Variants in SLC4A9 observed in about 807,000 individuals in gnomAD.
The protein encoded by SLC4A9 is solute carrier family 4 member 9.
A neutral mutation model predicts 103.2 loss-of-function variants in SLC4A9; 102 were observed. The observed-to-expected ratio is 0.99, with a 90% CI of 0.84 to 1.17. SLC4A9 has a LOEUF of 1.17. SLC4A9 is among the 50% of genes most tolerant of loss of function. The pLI is 0.00. For synonymous variants in SLC4A9, 453 were observed against 483.6 expected, an observed-to-expected ratio of 0.94 and a Z score of 0.83; for missense variants, 1,091 against 1,193.7, an observed-to-expected ratio of 0.91 and a Z score of 1.27.
chr5:140,374,679 G>T (rs1212258787), intron 21 of SLC4A9, 148 bp from the exon 22 acceptor site: 1 of 151,908 alleles, frequency 6.6e-6, no homozygotes, highest in Non-Finnish European at 1.5e-5. Context: ...TCTTCTGGGC[G>T]CTCCTTATCT....
Position 140,365,872 on chromosome 5 carries a change from T to G in SLC4A9, c.1749T>G (p.Pro583=). The part of the protein sequence containing the change: ...GLINASLLPP[P]ECTRQGGHPR... ...TCAATGCATCCTTGCTGCCGCCACC[T>G]GAGTGCACCCGGCAGGGAGGCCACC... is the stretch of plus-strand genomic sequence containing the variant. Residue 583 remains proline (P), a synonymous_variant, in exon 13 of 22, where the codon CCT becomes CCG. Coordinates refer to ENST00000506757, the MANE Select transcript of SLC4A9 (RefSeq NM_031467.3). 6.2e-7 allele frequency: 1 copy of G among 1,613,990 alleles called. No homozygotes were observed.
intron 12 of SLC4A9, 109 bp downstream of exon 12, chr5:140,365,687 TA>T: frequency 7.0e-7 from 1 of 1,427,720 alleles, no homozygotes; most frequent in South Asian, 1.3e-5. Flanking sequence ...CATAGGTGAG[TA>T]AAGCTTAGCC....
intron 14 of SLC4A9, among the ~76,000 whole-genome samples, chr5:140,367,051 G>C (rs1017746741): frequency 1.6e-4 from 24 of 152,210 alleles, no homozygotes; most frequent in African/African-American, 5.5e-4. Context: ...CCCTGCCTCA[G>C]ATCAAGGCAG....
rs1767378527 is a variant in SLC4A9 at position 140,363,301 on chromosome 5, A to G, written c.963-138A>G. 2 of 929,612 alleles carry G rather than the reference A, an allele frequency of 2.2e-6. No homozygotes were observed. Among genetic ancestry groups the G allele is most frequent in the Non-Finnish European group, 1.6e-6 (1 of 618,320 alleles). The allele number at this position is 929,612 out of a possible 1,614,324, so 57.6% of individuals were successfully genotyped here. On this transcript the variant is annotated intron_variant, in intron 7 of 21. Transcript: ENST00000506757. The surrounding 1 kb of genome is among the most constrained non-coding windows in gnomAD (Gnocchi z 4.5). Reference sequence around the variant, plus strand: ...GGTCGCAATATGACCTGGACCTTCTAGAGGCCCAGGTGTCGCCATGGTTCC... The same window carrying G: ...GGTCGCAATATGACCTGGACCTTCTGGAGGCCCAGGTGTCGCCATGGTTCC...
At chr5:140,372,109 A>T in intron 19 of SLC4A9, 133 bp from the exon 20 acceptor site, 1 of 821,644 alleles carries the variant, frequency 1.2e-6, no homozygotes. Flanking sequence ...TATCTACCTC[A>T]TAGGAATGTG....
Position 140,366,246 on chromosome 5 carries a change from G to A in SLC4A9, c.1995G>A (p.Met665Ile). ...TGGGCCTAGCCACACCAAAGCTCAT[G>A]GTACCCAGAGAGTTCAAGGTGAGAG... ...AFLGLATPKL[M>I]VPREFKPTLP... is the part of the protein sequence containing the mutation. Residue 665 changes from methionine (M) to isoleucine (I), a missense_variant, in exon 14 of 22, where the codon ATG becomes ATA. Transcript: ENST00000506757. The A allele has an allele frequency of 6.3e-7, 1 of 1,596,020 alleles. No individual in the cohort carries two copies. Among genetic ancestry groups the A allele is most frequent in the Non-Finnish European group, 8.5e-7 (1 of 1,170,778 alleles).
Position 140,367,817 on chromosome 5 carries a change from T to C in SLC4A9, c.2273T>C (p.Ile758Thr). 6.2e-7 allele frequency: 1 copy of C among 1,613,942 alleles called. No individual in the cohort carries two copies. The highest frequency in any genetic ancestry group is 2.2e-5 in the East Asian group (1 of 44,880). Residue 758 changes from isoleucine (I) to threonine (T), a missense_variant, in exon 16 of 22, where the codon ATC (isoleucine) becomes ACC (threonine). Ile to Thr is a moderately conservative substitution (Grantham distance 89, BLOSUM62 -1). Transcript: ENST00000506757. The part of the protein sequence containing the change: ...GLPWYVSATV[I>T]SLAHMDSLRR... Reference sequence around the variant, plus strand: ...CCTTGGTATGTCTCAGCCACTGTCATCTCCCTGGCTCACATGGACAGTCTT... The same window carrying C: ...CCTTGGTATGTCTCAGCCACTGTCACCTCCCTGGCTCACATGGACAGTCTT...
In SLC4A9 at chr5:140,360,902, G is replaced by A; in HGVS notation, c.321G>A (p.Lys107=). Residue 107 remains lysine, a synonymous_variant, in exon 2 of 22, where the codon AAG becomes AAA. Transcript: ENST00000506757. The part of the protein sequence containing the change: ...VPTLALPSLQ[K]LRSLLAEGLV... The stretch of plus-strand genomic sequence containing the variant: ...CCCTGGCACTGCCCAGCCTCCAGAA[G>A]CTCCGCAGCCTGCTGGCCGAGGGCC... The A allele has an allele frequency of 6.2e-7, 1 of 1,609,036 alleles. No individual in the cohort carries two copies. Among genetic ancestry groups the A allele is most frequent in the Non-Finnish European group, 8.5e-7 (1 of 1,178,156 alleles).
chr5:140,373,563 G>C (rs770476961), intron 21 of SLC4A9, among the ~76,000 whole-genome samples: 29 of 152,164 alleles, frequency 1.9e-4, no homozygotes, highest in Non-Finnish European at 3.8e-4. Flanking sequence ...TTGGGTGGTG[G>C]GTGTTCCATT....
At chr5:140,372,139 A>G (rs1768812187) in intron 19 of SLC4A9, 103 bp from the exon 20 acceptor site, 1 of 1,034,654 alleles carries the variant, frequency 9.7e-7, no homozygotes, top group Non-Finnish European at 1.4e-6. Context: ...AGTGAAACTG[A>G]TATACAATGC....
chr5:140,372,449 C>G (rs947869503), intron 20 of SLC4A9, 52 bp downstream of exon 20: 48 of 1,585,714 alleles, frequency 3.0e-5, no homozygotes, highest in Non-Finnish European at 3.6e-5. Flanking sequence ...TTTGGGAGAG[C>G]GTTCTTGTCC....
intron 14 of SLC4A9, among the ~76,000 whole-genome samples, chr5:140,366,659 G>A (rs1472947859): frequency 6.6e-6 from 1 of 152,190 alleles, no homozygotes; most frequent in Non-Finnish European, 1.5e-5. Context: ...ATTGTTTTGA[G>A]GTTTACAGAA....
At chr5:140,370,756 T>G in intron 17 of SLC4A9, 1 of 243,550 alleles carries the variant, frequency 4.1e-6, no homozygotes, top group Non-Finnish European at 8.2e-6. Flanking sequence ...AACTTGGGCA[T>G]GTTGAGGGAA....
chr5:140,362,856 A>T, intron 6 of SLC4A9, 56 bp from the exon 7 acceptor site: 1 of 1,607,044 alleles, frequency 6.2e-7, no homozygotes, highest in East Asian at 2.2e-5. Flanking sequence ...GACTATGAAA[A>T]TGCATGTAAG....
At position 140,361,910 on chromosome 5, in the gene SLC4A9, G is replaced by A. The variant is rs1014764258; in HGVS notation, c.561+47G>A. 8 of 1,613,360 alleles carry A rather than the reference G, an allele frequency of 5.0e-6. No homozygotes were observed. The Admixed American group carries it at 1.0e-4, about 20-fold the overall frequency. Reference sequence around the variant, plus strand: ...TCCCTTTCCAGTGGCTGGGAGAGGGGTTAGAAATTAACAAAAGTCTACTCT... The same window carrying A: ...TCCCTTTCCAGTGGCTGGGAGAGGGATTAGAAATTAACAAAAGTCTACTCT... On this transcript the variant is annotated intron_variant, in intron 4 of 21. Transcript: ENST00000506757.
Position 140,360,379 on chromosome 5 carries a change from T to C in SLC4A9, c.143T>C (p.Leu48Pro), listed in dbSNP as rs1766888159. ...DGPSDTESKELGVPKDPLLFI... is the reference protein window; with the variant it reads ...DGPSDTESKEPGVPKDPLLFI... ...CCCTCAGACACAGAGAGCAAGGAACTGGGAGTACCCAAAGACCCTCTGCTC... is the reference window on the plus strand; with the variant it reads ...CCCTCAGACACAGAGAGCAAGGAACCGGGAGTACCCAAAGACCCTCTGCTC... The change falls in exon 1 of 22, where the codon CTG becomes CCG. Residue 48 changes from leucine to proline, a missense_variant. Transcript: ENST00000506757. The C allele has an allele frequency of 2.5e-6, 4 of 1,607,962 alleles. No individual in the cohort carries two copies. The highest frequency in any genetic ancestry group is 1.3e-5 in the African/African-American group (1 of 74,854).
chr5:140,362,484 G>C lies in SLC4A9; in HGVS notation c.759G>C (p.Lys253Asn), dbSNP rs1244184243. The part of the protein sequence containing the change: ...CLLLGPCMLG[K>N]GYHEMGRAAA... ...TCCTGGGCCCCTGTATGCTGGGAAA[G>C]GGCTACCATGAGATGGGACGGGCAG... The change falls in exon 6 of 22, where the codon AAG becomes AAC. Residue 253 changes from lysine (K) to asparagine (N), a missense_variant. Physicochemically the swap from Lys to Asn is moderately conservative, Grantham distance 94. Coordinates refer to ENST00000506757, the MANE Select transcript of SLC4A9 (RefSeq NM_031467.3). 2 of 1,614,034 alleles carry C rather than the reference G, an allele frequency of 1.2e-6. No individual in the cohort carries two copies. The highest frequency in any genetic ancestry group is 4.5e-5 in the East Asian group (2 of 44,878).
Position 140,367,891 on chromosome 5 carries a change from G to C in SLC4A9, c.2347G>C (p.Gly783Arg), listed in dbSNP as rs771852043. ...CAPGERPNFL[G>R]IREQRLTGLV... ...CCCCGGGGAGCGCCCCAACTTCCTG[G>C]GTATCAGGTGAGGGCGGTATTTAGG... The change falls in exon 16 of 22, where the codon GGT becomes CGT. Residue 783 changes from glycine (G) to arginine (R), a missense_variant. Coordinates refer to ENST00000506757, the MANE Select transcript of SLC4A9 (RefSeq NM_031467.3). 1 of 1,613,772 alleles carries C rather than the reference G, an allele frequency of 6.2e-7. No homozygotes were observed. The highest frequency in any genetic ancestry group is 8.5e-7 in the Non-Finnish European group (1 of 1,179,832).
intron 17 of SLC4A9, among the ~76,000 whole-genome samples, chr5:140,370,049 C>CA (rs1424481676): frequency 1.3e-5 from 2 of 151,956 alleles, no homozygotes; most frequent in Non-Finnish European, 2.9e-5. Flanking sequence ...AAACCCTAAA[C>CA]AAAAAAACAA....
Sources: gnomAD v4.1 joint callset for allele counts (sites outside exome capture counted in the v4.1 genomes callset) on GRCh38, gnomAD v4.1.1 for gene constraint, Gnocchi (gnomAD v3.1) non-coding constraint, MANE v1.5 for transcripts, NCBI Gene and HGNC (gene_info 2026-07-23, HGNC 2026-07-21) for gene names.